The following ABHD3 variants were observed in gnomAD, a reference collection of about 807,000 sequenced individuals.
ABHD3 encodes the protein abhydrolase domain containing 3, phospholipase.
ABHD3 carries 46 observed loss-of-function variants against 48.8 expected under a neutral mutation model. The observed-to-expected ratio is 0.94, with a 90% CI of 0.74 to 1.20. ABHD3 has a LOEUF of 1.20. Among genes scored for constraint, ABHD3 ranks in the 50% most tolerant of loss-of-function variants. ABHD3 has a pLI of 0.00. For missense variants in ABHD3, 490 were observed against 497.8 expected (o/e 0.98, Z 0.15); for synonymous variants, 192 against 183.7 (o/e 1.04, Z -0.36).
intron 3 of ABHD3, among the ~76,000 whole-genome samples, chr18:21,685,206 C>G (rs2040104350): frequency 1.3e-5 from 2 of 152,164 alleles, no homozygotes; most frequent in Non-Finnish European, 2.9e-5. Context: ...CCTATTCAAC[C>G]AACCAAGGCC....
intron 5 of ABHD3, 161 bp downstream of exon 5, chr18:21,663,957 T>C (rs2039561954): frequency 7.0e-7 from 1 of 1,429,170 alleles, no homozygotes; most frequent in Non-Finnish European, 9.1e-7. Flanking sequence ...AATTCTTTCC[T>C]TCCTTCGTTC....
intron 3 of ABHD3, among the ~76,000 whole-genome samples, chr18:21,699,044 G>C (rs1028129447): frequency 1.3e-5 from 2 of 151,526 alleles, no homozygotes; most frequent in Non-Finnish European, 2.9e-5. Flanking sequence ...AGCGATTCTC[G>C]TGTCTTAAGA....
At chr18:21,660,147 AT>A (rs1303103294) in intron 5 of ABHD3, among the ~76,000 whole-genome samples, 878 of 83,784 alleles carry the variant, frequency 0.01, 6 homozygotes, top group African/African-American at 0.059. Context: ...AAAAAAAAAA[AT>A]TTTTTTTTTT....
intron 5 of ABHD3, among the ~76,000 whole-genome samples, chr18:21,660,834 G>T (rs2039476122): frequency 6.6e-6 from 1 of 152,042 alleles, no homozygotes; most frequent in African/African-American, 2.4e-5. Flanking sequence ...TCTGCAAAGG[G>T]TTCATTCTAG....
At chr18:21,666,785 GCT>G (rs1405007165) in intron 4 of ABHD3, among the ~76,000 whole-genome samples, 2 of 152,008 alleles carry the variant, frequency 1.3e-5, no homozygotes, top group Non-Finnish European at 2.9e-5. Context: ...ATCAATAAGG[GCT>G]CTGTTTATAG....
chr18:21,684,663 C>T (rs759108648), intron 3 of ABHD3, among the ~76,000 whole-genome samples: 3 of 152,200 alleles, frequency 2.0e-5, no homozygotes, highest in East Asian at 1.9e-4. Context: ...ATATCCTCTA[C>T]CCATTGCATT....
intron 4 of ABHD3, among the ~76,000 whole-genome samples, chr18:21,681,725 A>T (rs1241619262): frequency 6.6e-6 from 1 of 152,230 alleles, no homozygotes; most frequent in Non-Finnish European, 1.5e-5. Flanking sequence ...AGAAAGCATA[A>T]AACATAATGG....
At chr18:21,683,320 A>AG (rs71371365) in intron 4 of ABHD3, among the ~76,000 whole-genome samples, 2 of 152,274 alleles carry the variant, frequency 1.3e-5, no homozygotes, top group East Asian at 3.9e-4. Context: ...TCAGAATTAG[A>AG]GGGGGAAAAA....
chr18:21,685,008 T>A (rs2146320285), intron 3 of ABHD3, among the ~76,000 whole-genome samples: 1 of 152,356 alleles, frequency 6.6e-6, no homozygotes, highest in African/African-American at 2.4e-5. Context: ...TGTAGTGTCG[T>A]GCTGGTTTCA....
chr18:21,697,332 C>G (rs12326135), intron 3 of ABHD3, among the ~76,000 whole-genome samples: 3 of 151,896 alleles, frequency 2.0e-5, no homozygotes, highest in South Asian at 4.1e-4. Context: ...CTCGGACTCC[C>G]GAAGTGCTGG....
rs1317881173 is a variant in ABHD3 at position 21,703,802 on chromosome 18, T to G, written c.163-55A>C. 2.5e-6 allele frequency: 4 copies of G among 1,575,850 alleles called. No individual in the cohort carries two copies. In the African/African-American group the frequency reaches 4.1e-5, roughly 16 times the overall value. ...CCCAGAGCAAAGTTTCTGCCAACCG[T>G]AAACCAGAAACCGGCAAAGACTTGT... On this transcript the variant is annotated intron_variant, in intron 1 of 8. Transcript: ENST00000289119.
intron 3 of ABHD3, among the ~76,000 whole-genome samples, chr18:21,690,984 G>A (rs1207311359): frequency 1.6e-5 from 2 of 125,868 alleles, no homozygotes; most frequent in Admixed American, 8.8e-5. Context: ...CGACAACAGT[G>A]AGACTCTGTC....
intron 4 of ABHD3, among the ~76,000 whole-genome samples, chr18:21,669,299 C>G (rs1282857605): frequency 6.6e-6 from 1 of 152,158 alleles, no homozygotes; most frequent in Non-Finnish European, 1.5e-5. Flanking sequence ...CTCTGAGATT[C>G]AGCAAATCTA....
intron 3 of ABHD3, among the ~76,000 whole-genome samples, chr18:21,687,977 T>A (rs2040165214): frequency 6.6e-6 from 1 of 152,148 alleles, no homozygotes; most frequent in Admixed American, 6.5e-5. Context: ...TTGCCAAATG[T>A]TCCCTGGGGG....
chr18:21,663,780 A>C, intron 5 of ABHD3: 1 of 1,535,116 alleles, frequency 6.5e-7, no homozygotes, highest in Non-Finnish European at 8.7e-7. Context: ...TCAGCTTCAG[A>C]ACGCAGCTCC....
At chr18:21,665,359 C>T (rs2039598173) in intron 4 of ABHD3, among the ~76,000 whole-genome samples, 1 of 151,824 alleles carries the variant, frequency 6.6e-6, no homozygotes, top group South Asian at 2.1e-4. Context: ...CCTGCTTCAG[C>T]CTCCTGAGTA....
chr18:21,673,001 G>A (rs543453482), intron 4 of ABHD3, among the ~76,000 whole-genome samples: 13 of 152,278 alleles, frequency 8.5e-5, no homozygotes, highest in East Asian at 1.9e-4. Context: ...GATGGCAGCC[G>A]TGCATGCTCA....
intron 4 of ABHD3, among the ~76,000 whole-genome samples, chr18:21,666,492 T>G (rs1444283950): frequency 1.3e-5 from 2 of 151,426 alleles, no homozygotes; most frequent in Non-Finnish European, 2.9e-5. Flanking sequence ...GTGCCCGGCC[T>G]ATTTTTTTTG....
intron 3 of ABHD3, 117 bp from the exon 4 acceptor site, chr18:21,684,082 C>T: frequency 1.1e-6 from 1 of 891,554 alleles, no homozygotes. Flanking sequence ...AAAAATCTGT[C>T]TTGTAGTTGT....
Sources: gnomAD v4.1 joint callset for allele counts (sites outside exome capture counted in the v4.1 genomes callset) on GRCh38, gnomAD v4.1.1 for gene constraint, MANE v1.5 for transcripts, NCBI Gene and HGNC (gene_info 2026-07-23, HGNC 2026-07-21) for gene names.